FHIT: variants seen among roughly 807,000 people sequenced by gnomAD.
FHIT encodes bis(5'-adenosyl)-triphosphatase.
FHIT carries 19 observed loss-of-function variants against 17.9 expected under a neutral mutation model. The ratio of observed to expected loss-of-function variants is 1.06; its 90% CI spans 0.74 to 1.56. The LOEUF (loss-of-function observed/expected upper bound fraction) is 1.56, where lower values mean the gene tolerates loss of function less well. Among genes scored for constraint, FHIT ranks in the 40% most tolerant of loss-of-function variants. The pLI, the probability that FHIT is intolerant of heterozygous loss-of-function variation, is 0.00. For synonymous variants in FHIT, 81 were observed against 69.7 expected, an observed-to-expected ratio of 1.16 and a Z score of -0.81; for missense variants, 248 against 189.2, an observed-to-expected ratio of 1.31 and a Z score of -1.82.
At chr3:59,770,506 G>A (rs1411693761) in intron 8 of FHIT, among the ~76,000 whole-genome samples, 1 of 152,170 alleles carries the variant, frequency 6.6e-6, no homozygotes, top group Admixed American at 6.5e-5. Flanking sequence ...TCTAAGCCAT[G>A]GAATGCCAAA....
intron 7 of FHIT, among the ~76,000 whole-genome samples, chr3:60,003,460 A>C (rs1254789730): frequency 3.3e-5 from 5 of 152,154 alleles, no homozygotes; most frequent in Admixed American, 2.0e-4. Flanking sequence ...TTCTGTATTT[A>C]AGGATGTGGT....
rs1338716550 is a variant in FHIT, at chr3:60,973,611, T to A, written c.-111+68436A>T. ...TAGAAACTAAAATCTTAAGTTACGCTCCTTGTTGATGTATTCATGCTTTTA... is the reference window on the plus strand; with the variant it reads ...TAGAAACTAAAATCTTAAGTTACGCACCTTGTTGATGTATTCATGCTTTTA... On this transcript the variant is annotated intron_variant, in intron 3 of 9. Coordinates refer to ENST00000492590, the MANE Select transcript of FHIT (RefSeq NM_002012.4). Among the ~76,000 whole-genome samples the A allele has an allele frequency of 3.3e-5, 5 of 152,320 alleles. No homozygotes were observed. The East Asian group carries it at 9.7e-4, about 29-fold the overall frequency.
intron 8 of FHIT, among the ~76,000 whole-genome samples, chr3:59,828,847 C>CTGTGTG (rs56245948): frequency 9.3e-5 from 14 of 150,988 alleles, no homozygotes; most frequent in African/African-American, 3.2e-4. Flanking sequence ...GGTACTCTCT[C>CTGTGTG]TGTGTGTGTG....
At chr3:60,782,235 G>GTATATATATATATATATATATATA (rs879948599) in intron 4 of FHIT, among the ~76,000 whole-genome samples, 187 of 76,058 alleles carry the variant, frequency 2.5e-3, no homozygotes, top group Admixed American at 4.1e-3. Context: ...GTGTGTGTGT[G>GTATATATATATATATATATATATA]TGTATATATA....
intron 3 of FHIT, among the ~76,000 whole-genome samples, chr3:60,936,465 A>G (rs1411403056): frequency 6.6e-6 from 1 of 152,246 alleles, no homozygotes; most frequent in Non-Finnish European, 1.5e-5. Context: ...CGAATACATT[A>G]GGGCAGATCA....
chr3:60,732,890 A>G (rs1400728348), intron 4 of FHIT, among the ~76,000 whole-genome samples: 2 of 151,722 alleles, frequency 1.3e-5, no homozygotes, highest in Non-Finnish European at 2.9e-5. Flanking sequence ...GGGTTTTGCC[A>G]TGTTGGCCAG....
In FHIT at chr3:59,782,813, T is replaced by TC. The variant is rs397721596; in HGVS notation, c.349-30493dup. ...TATTTATCTTTCTGGCATTTTTTTT[T>TC]CCCCCAGGAAAAAGTAATCATCACT... On this transcript the variant is annotated intron_variant, in intron 8 of 9. Transcript: ENST00000492590. Among the ~76,000 whole-genome samples the TC allele has an allele frequency of 1.3e-3, 190 of 151,898 alleles. 2 individuals are homozygous for TC. The South Asian group carries it at 0.017, about 13-fold the overall frequency.
intron 7 of FHIT, among the ~76,000 whole-genome samples, chr3:59,988,096 A>G (rs542921605): frequency 6.6e-6 from 1 of 152,152 alleles, no homozygotes; most frequent in East Asian, 1.9e-4. Context: ...TTTCAAGTAA[A>G]AAGTGTGAGT....
intron 5 of FHIT, among the ~76,000 whole-genome samples, chr3:60,022,315 A>G (rs1700582034): frequency 6.6e-6 from 1 of 152,232 alleles, no homozygotes; most frequent in South Asian, 2.1e-4. Flanking sequence ...GGCAGTCATT[A>G]GTGCTGTTTG....
At chr3:60,480,610 A>G (rs1349093866) in intron 5 of FHIT, among the ~76,000 whole-genome samples, 1 of 152,190 alleles carries the variant, frequency 6.6e-6, no homozygotes, top group East Asian at 1.9e-4. Context: ...ATTGGCCAAA[A>G]CTAAGGGGAC....
intron 7 of FHIT, among the ~76,000 whole-genome samples, chr3:59,997,971 G>T (rs776794535): frequency 1.3e-5 from 2 of 152,192 alleles, no homozygotes; most frequent in Admixed American, 6.5e-5. Context: ...AATTTAGTCA[G>T]GTTTCAACAC....
chr3:60,780,645 C>T (rs7611737), intron 4 of FHIT, among the ~76,000 whole-genome samples: 68,511 of 152,034 alleles, frequency 0.45, 16,519 homozygotes, highest in African/African-American at 0.57. Context: ...GGGCCTCTGC[C>T]GTTTCCCCAA....
At chr3:60,297,010 C>T (rs893531127) in intron 5 of FHIT, among the ~76,000 whole-genome samples, 10 of 150,526 alleles carry the variant, frequency 6.6e-5, no homozygotes, top group Non-Finnish European at 1.3e-4. Context: ...TGTGTCTATA[C>T]TTCTGTCAAT....
At chr3:60,019,214 A>G (rs1459030950) in intron 5 of FHIT, among the ~76,000 whole-genome samples, 1 of 152,102 alleles carries the variant, frequency 6.6e-6, no homozygotes, top group African/African-American at 2.4e-5. Context: ...CCCACATTCT[A>G]TCGGTCAAAG....
At chr3:59,946,305 T>A (rs1247998992) in intron 7 of FHIT, among the ~76,000 whole-genome samples, 2 of 152,242 alleles carry the variant, frequency 1.3e-5, no homozygotes, top group Admixed American at 6.5e-5. Context: ...ACTGCATTCT[T>A]GATTTGGCTC....
intron 5 of FHIT, among the ~76,000 whole-genome samples, chr3:60,225,013 G>A (rs888460754): frequency 6.6e-6 from 1 of 152,046 alleles, no homozygotes; most frequent in Admixed American, 6.6e-5. Flanking sequence ...GAGCCACCAC[G>A]CCCAGCCAGG....
intron 2 of FHIT, among the ~76,000 whole-genome samples, chr3:61,046,681 A>C (rs2033804076): frequency 6.6e-6 from 1 of 152,170 alleles, no homozygotes; most frequent in Non-Finnish European, 1.5e-5. Context: ...TGGCAGAGAC[A>C]CAACACAAAA....
intron 8 of FHIT, among the ~76,000 whole-genome samples, chr3:59,812,560 A>G (rs542298748): frequency 1.3e-5 from 2 of 152,350 alleles, no homozygotes; most frequent in South Asian, 4.1e-4. Context: ...TAAATGGTTT[A>G]TTACAGAGGG....
intron 4 of FHIT, among the ~76,000 whole-genome samples, chr3:60,568,550 A>G (rs1312906922): frequency 6.6e-6 from 1 of 152,116 alleles, no homozygotes; most frequent in Non-Finnish European, 1.5e-5. Context: ...TGGCACATGT[A>G]TACATATGTA....
Sources: allele counts gnomAD v4.1 joint callset (sites outside exome capture counted in the v4.1 genomes callset), GRCh38; gene constraint gnomAD v4.1.1; transcripts MANE v1.5; gene names NCBI Gene and HGNC (gene_info 2026-07-23, HGNC 2026-07-21).